PARD3: variants seen among roughly 807,000 people sequenced by gnomAD.
The protein encoded by PARD3 is partitioning defective 3 homolog.
In PARD3, 75 loss-of-function variants were observed where a neutral mutation model predicts 155.4. That is an observed-to-expected ratio of 0.48 (90% CI 0.40 to 0.58). The LOEUF (loss-of-function observed/expected upper bound fraction) is 0.58. PARD3 is among the 20% of genes least tolerant of loss of function. The pLI is 0.00. For synonymous variants in PARD3, 576 were observed against 610.5 expected (o/e 0.94, Z 0.83); for missense variants, 1,642 against 1,721.7 (o/e 0.95, Z 0.82).
chr10:34,797,080 T>C (rs1842344607), intron 1 of PARD3, among the ~76,000 whole-genome samples: 2 of 152,218 alleles, frequency 1.3e-5, no homozygotes, highest in African/African-American at 4.8e-5. Context: ...CAGGAGCTTA[T>C]ATTTGCCAAC....
At chr10:34,578,867 A>C (rs909138748) in intron 2 of PARD3, among the ~76,000 whole-genome samples, 6 of 152,212 alleles carry the variant, frequency 3.9e-5, no homozygotes, top group African/African-American at 1.4e-4. Context: ...TTCTTCTTTT[A>C]TAATTAGTTC....
At chr10:34,200,366 A>G (rs1366924167) in intron 22 of PARD3, among the ~76,000 whole-genome samples, 1 of 152,148 alleles carries the variant, frequency 6.6e-6, no homozygotes, top group African/African-American at 2.4e-5. Flanking sequence ...CAGTAAACTT[A>G]TTGGGGGATG....
At chr10:34,552,709 C>A (rs2084683571) in intron 2 of PARD3, among the ~76,000 whole-genome samples, 1 of 118,650 alleles carries the variant, frequency 8.4e-6, no homozygotes. Context: ...AACAAAACTC[C>A]ATCTCAAAAA....
At chr10:34,463,099 T>G (rs1384740382) in intron 4 of PARD3, among the ~76,000 whole-genome samples, 83 of 49,410 alleles carry the variant, frequency 1.7e-3, no homozygotes, top group Middle Eastern at 0.017. Flanking sequence ...AGGAAAGGAA[T>G]GGGAAAGTGA....
intron 4 of PARD3, among the ~76,000 whole-genome samples, chr10:34,465,049 T>C (rs2077920687): frequency 6.6e-6 from 1 of 152,216 alleles, no homozygotes. Context: ...GATCTCTAGA[T>C]GACTTATATG....
intron 20 of PARD3, among the ~76,000 whole-genome samples, chr10:34,296,700 A>G (rs1287349930): frequency 6.6e-6 from 1 of 152,238 alleles, no homozygotes; most frequent in Admixed American, 6.5e-5. Flanking sequence ...AACAATCAGT[A>G]CATGCTGATG....
At chr10:34,330,845 CCTGTAAGA>C (rs1835542582) in intron 19 of PARD3, among the ~76,000 whole-genome samples, 1 of 151,962 alleles carries the variant, frequency 6.6e-6, no homozygotes, top group African/African-American at 2.4e-5. Flanking sequence ...TTAATATTGG[CCTGTAAGA>C]CAGATTCTCA....
intron 1 of PARD3, among the ~76,000 whole-genome samples, chr10:34,715,072 T>C (rs897824233): frequency 7.6e-6 from 1 of 132,222 alleles, no homozygotes; most frequent in Non-Finnish European, 1.6e-5. Context: ...ACACCTAGCC[T>C]AACCTTTTTT....
chr10:34,701,588 GA>G (rs1017208464), intron 1 of PARD3, among the ~76,000 whole-genome samples: 1 of 152,160 alleles, frequency 6.6e-6, no homozygotes, highest in African/African-American at 2.4e-5. Flanking sequence ...AAGAATGTCA[GA>G]ACACCGGAAC....
intron 3 of PARD3, among the ~76,000 whole-genome samples, chr10:34,493,829 G>T (rs770033436): frequency 6.6e-6 from 1 of 151,680 alleles, no homozygotes; most frequent in African/African-American, 2.4e-5. Context: ...CTTCACGTTC[G>T]AATTATTTTA....
intron 2 of PARD3, among the ~76,000 whole-genome samples, chr10:34,589,411 G>C (rs1461049810): frequency 6.6e-6 from 1 of 151,892 alleles, no homozygotes; most frequent in African/African-American, 2.4e-5. Context: ...CATTAGAGTG[G>C]GCCCTAATCC....
In PARD3 at chr10:34,382,655, C is replaced by T. The variant is rs544942216; in HGVS notation, c.1284G>A (p.Ser428=). The T allele has an allele frequency of 5.0e-6, 8 of 1,614,044 alleles. No individual in the cohort carries two copies. The highest frequency in any genetic ancestry group is 2.2e-5 in the East Asian group (1 of 44,868). Residue 428 remains serine (S), a synonymous_variant, in exon 9 of 25, where the codon TCG becomes TCA. Transcript: ENST00000374788. ...AGGCTGGAGCGGATGGTGGTTTTCC[C>T]GAGGGGTGTGCGCTATGAGGTAGTC... is the stretch of plus-strand genomic sequence containing the variant. ...HSRLPHSAHP[S]GKPPSAPASA...
At chr10:34,471,082 T>C (rs944070525) in intron 3 of PARD3, among the ~76,000 whole-genome samples, 6 of 152,238 alleles carry the variant, frequency 3.9e-5, no homozygotes, top group Non-Finnish European at 8.8e-5. Flanking sequence ...ATGTTTCTTT[T>C]GTTCAATAAA....
At chr10:34,461,599 C>T (rs1439515307) in intron 4 of PARD3, among the ~76,000 whole-genome samples, 1 of 151,830 alleles carries the variant, frequency 6.6e-6, no homozygotes, top group Non-Finnish European at 1.5e-5. Context: ...GAGTGAGACT[C>T]CATCTCAAGA....
chr10:34,765,217 G>C (rs75021697), intron 1 of PARD3, among the ~76,000 whole-genome samples: 4,136 of 152,190 alleles, frequency 0.027, 176 homozygotes, highest in African/African-American at 0.094. Flanking sequence ...AAGGGTGAAA[G>C]CTCAAATCTA....
At chr10:34,551,947 T>C (rs747854451) in intron 2 of PARD3, among the ~76,000 whole-genome samples, 2 of 152,218 alleles carry the variant, frequency 1.3e-5, no homozygotes, top group African/African-American at 4.8e-5. Flanking sequence ...AAAGGTTGTC[T>C]GTCTTGACCC....
At chr10:34,344,638 TA>T in intron 15 of PARD3, 1 of 985,404 alleles carries the variant, frequency 1.0e-6, no homozygotes, top group Non-Finnish European at 1.2e-6. Context: ...GAAAAATGTT[TA>T]AGGCTTTTCA....
intron 22 of PARD3, among the ~76,000 whole-genome samples, chr10:34,232,844 G>A (rs577176085): frequency 6.6e-6 from 1 of 151,986 alleles, no homozygotes; most frequent in South Asian, 2.1e-4. Flanking sequence ...AGGACTACAG[G>A]CACATGCCAT....
chr10:34,753,228 C>A (rs1836290008), intron 1 of PARD3, among the ~76,000 whole-genome samples: 1 of 152,234 alleles, frequency 6.6e-6, no homozygotes, highest in African/African-American at 2.4e-5. Flanking sequence ...GACACTCTAT[C>A]CCCAAGGGCA....
Sources: gnomAD v4.1 joint callset for allele counts (sites outside exome capture counted in the v4.1 genomes callset) on GRCh38, gnomAD v4.1.1 for gene constraint, MANE v1.5 for transcripts, NCBI Gene and HGNC (gene_info 2026-07-23, HGNC 2026-07-21) for gene names.